The following CEP112 variants were observed in gnomAD, a reference collection of about 807,000 sequenced individuals.
CEP112 encodes centrosomal protein of 112 kDa.
A neutral mutation model predicts 153.0 loss-of-function variants in CEP112; 127 were observed. The ratio of observed to expected loss-of-function variants is 0.83; its 90% CI spans 0.72 to 0.96. The LOEUF is 0.96. Among genes scored for constraint, CEP112 ranks in the 40% least tolerant of loss-of-function variants. The pLI, the probability that CEP112 is intolerant of heterozygous loss-of-function variation, is 0.00. For synonymous variants in CEP112, 358 were observed against 374.4 expected, an observed-to-expected ratio of 0.96 and a Z score of 0.51; for missense variants, 1,089 against 1,101.2, an observed-to-expected ratio of 0.99 and a Z score of 0.16.
chr17:66,153,525 T>A (rs2071298169), intron 4 of CEP112, among the ~76,000 whole-genome samples: 2 of 151,102 alleles, frequency 1.3e-5, no homozygotes, highest in Non-Finnish European at 2.9e-5. Context: ...TAAGTCCATA[T>A]TATAAAGATA....
chr17:65,655,762 G>GA (rs571097569), intron 24 of CEP112, among the ~76,000 whole-genome samples: 215 of 147,418 alleles, frequency 1.5e-3, no homozygotes, highest in African/African-American at 2.4e-3. Flanking sequence ...CTGGTAACAG[G>GA]AAAAAAAAAA....
chr17:66,043,981 G>T (rs1231707032), intron 12 of CEP112, among the ~76,000 whole-genome samples: 1 of 152,108 alleles, frequency 6.6e-6, no homozygotes, highest in Non-Finnish European at 1.5e-5. Context: ...AGCAAGACCT[G>T]TCTACTTTTG....
intron 4 of CEP112, among the ~76,000 whole-genome samples, chr17:66,156,338 T>A (rs1340961386): frequency 6.6e-6 from 1 of 151,778 alleles, no homozygotes; most frequent in Non-Finnish European, 1.5e-5. Flanking sequence ...AGCATCAACA[T>A]CAACAAAAAG....
intron 4 of CEP112, among the ~76,000 whole-genome samples, chr17:66,171,494 T>C (rs1394875816): frequency 6.6e-6 from 1 of 152,182 alleles, no homozygotes; most frequent in Non-Finnish European, 1.5e-5. Flanking sequence ...ACTGATTAGA[T>C]ATATTAAGTC....
intron 23 of CEP112, among the ~76,000 whole-genome samples, chr17:65,738,715 A>T (rs2050945733): frequency 1.3e-5 from 2 of 152,320 alleles, no homozygotes; most frequent in Admixed American, 1.3e-4. Flanking sequence ...TTTTCTTTAT[A>T]AAAAAACATG....
At chr17:66,018,460 A>G (rs1265431404) in intron 16 of CEP112, among the ~76,000 whole-genome samples, 1 of 152,172 alleles carries the variant, frequency 6.6e-6, no homozygotes, top group Non-Finnish European at 1.5e-5. Context: ...TGACCCAAAC[A>G]CTGACTAGCT....
chr17:65,684,673 T>A (rs2047693568), intron 24 of CEP112, among the ~76,000 whole-genome samples: 1 of 152,228 alleles, frequency 6.6e-6, no homozygotes, highest in East Asian at 1.9e-4. Flanking sequence ...CAAAATATTT[T>A]AATCTGTACC....
intron 22 of CEP112, among the ~76,000 whole-genome samples, chr17:65,746,165 C>CAAAAAAAAAAAAAAAAAAAA (rs56361589): frequency 2.0e-3 from 98 of 49,360 alleles, no homozygotes; most frequent in Non-Finnish European, 2.8e-3. Context: ...AACTCCATCT[C>CAAAAAAAAAAAAAAAAAAAA]AAAAAAAAAA....
At chr17:66,086,548 C>G (rs1342401242) in intron 8 of CEP112, among the ~76,000 whole-genome samples, 2 of 151,436 alleles carry the variant, frequency 1.3e-5, no homozygotes, top group Non-Finnish European at 2.9e-5. Context: ...GAACTACAGG[C>G]ACCCGCCACC....
chr17:65,790,562 T>C (rs2054531259), intron 21 of CEP112, among the ~76,000 whole-genome samples: 1 of 152,120 alleles, frequency 6.6e-6, no homozygotes, highest in Non-Finnish European at 1.5e-5. Flanking sequence ...TCTAAATCAT[T>C]CTCTCTTCAG....
At chr17:66,002,945 C>T (rs2064123439) in intron 17 of CEP112, among the ~76,000 whole-genome samples, 2 of 152,064 alleles carry the variant, frequency 1.3e-5, no homozygotes, top group South Asian at 4.2e-4. Context: ...AGCTGTCTTG[C>T]AGCAAAATGG....
intron 21 of CEP112, among the ~76,000 whole-genome samples, chr17:65,824,687 C>G (rs2056752148): frequency 6.6e-6 from 1 of 152,018 alleles, no homozygotes; most frequent in African/African-American, 2.4e-5. Flanking sequence ...TGTGTGAAGC[C>G]ACAAACGGAG....
At chr17:65,688,092 G>A (rs1446559386) in intron 24 of CEP112, 1 of 152,154 alleles carries the variant, frequency 6.6e-6, no homozygotes, top group Non-Finnish European at 1.5e-5. Context: ...AACCAGAAGA[G>A]TTGGGTGAAA....
At chr17:66,089,065 A>G (rs1161161671) in intron 8 of CEP112, among the ~76,000 whole-genome samples, 1 of 152,148 alleles carries the variant, frequency 6.6e-6, no homozygotes, top group Admixed American at 6.6e-5. Context: ...TCCAGGCTCC[A>G]AGCTCAAACA....
intron 22 of CEP112, among the ~76,000 whole-genome samples, 171 bp downstream of exon 22, chr17:65,750,491 C>T (rs1232008213): frequency 5.3e-5 from 8 of 151,862 alleles, no homozygotes; most frequent in Non-Finnish European, 1.2e-4. Context: ...TTTTTAATGA[C>T]TGAAATATTA....
intron 23 of CEP112, among the ~76,000 whole-genome samples, chr17:65,711,819 G>A (rs1336554469): frequency 6.6e-6 from 1 of 152,218 alleles, no homozygotes; most frequent in Non-Finnish European, 1.5e-5. Context: ...TCTTCTGGTA[G>A]AGCAGACAGA....
intron 10 of CEP112, among the ~76,000 whole-genome samples, chr17:66,064,036 C>A (rs2067023035): frequency 6.6e-6 from 1 of 152,116 alleles, no homozygotes; most frequent in Non-Finnish European, 1.5e-5. Context: ...TTCACTCAAC[C>A]AGATTTCTCC....
At chr17:65,945,739 C>T (rs145767679) in intron 18 of CEP112, among the ~76,000 whole-genome samples, 10,272 of 152,014 alleles carry the variant, frequency 0.068, 522 homozygotes, top group African/African-American at 0.13. Flanking sequence ...CTCTGCCTCC[C>T]AGGTTCAAGT....
At chr17:65,751,820 G>A (rs2051869761) in intron 21 of CEP112, among the ~76,000 whole-genome samples, 1 of 152,166 alleles carries the variant, frequency 6.6e-6, no homozygotes, top group South Asian at 2.1e-4. Context: ...CGAAGACACA[G>A]AGAGGGTAAG....
Sources: allele counts gnomAD v4.1 joint callset (sites outside exome capture counted in the v4.1 genomes callset), GRCh38; gene constraint gnomAD v4.1.1; transcripts MANE v1.5; gene names NCBI Gene and HGNC (gene_info 2026-07-23, HGNC 2026-07-21).